Variants in TMEM135 observed in about 807,000 individuals in gnomAD.
TMEM135 encodes transmembrane protein 135, also known as peroxisomal membrane protein 52.
A neutral mutation model predicts 60.3 loss-of-function variants in TMEM135; 30 were observed. The ratio of observed to expected loss-of-function variants is 0.50; its 90% confidence interval spans 0.37 to 0.68. TMEM135 has a LOEUF of 0.68. Among genes scored for constraint, TMEM135 ranks in the 30% least tolerant of loss-of-function variants. TMEM135 has a pLI of 0.00. For synonymous variants in TMEM135, 190 were observed against 186.7 expected (o/e 1.02, Z -0.14); for missense variants, 468 against 548.8 (o/e 0.85, Z 1.47).
At chr11:87,176,767 T>C (rs1939379800) in intron 5 of TMEM135, among the ~76,000 whole-genome samples, 1 of 152,176 alleles carries the variant, frequency 6.6e-6, no homozygotes, top group Non-Finnish European at 1.5e-5. Flanking sequence ...CAGGTTATAG[T>C]GGGTTAGGGA....
chr11:87,087,078 C>T lies in TMEM135; in HGVS notation c.363-4284C>T, dbSNP rs184962907. Among the ~76,000 whole-genome samples the T allele has an allele frequency of 1.5e-3, 225 of 152,142 alleles. 2 individuals carry two copies. Among genetic ancestry groups the T allele is most frequent in the African/African-American group, 5.0e-3 (207 of 41,512 alleles). On this transcript the variant is annotated intron_variant, in intron 3 of 14. Coordinates refer to ENST00000305494, the MANE Select transcript of TMEM135 (RefSeq NM_022918.4). ...AAAAGGGAGCCATCATTTGAGGCTC[C>T]GGTTGCATGACTGTTTGGAGTTTGA...
At chr11:87,213,496 G>GCAT (rs1385619873) in intron 5 of TMEM135, among the ~76,000 whole-genome samples, 1 of 152,202 alleles carries the variant, frequency 6.6e-6, no homozygotes, top group African/African-American at 2.4e-5. Context: ...AGTTAGAGCA[G>GCAT]CATCTACTTA....
At position 87,325,047 on chromosome 11, in the gene TMEM135, C is replaced by T. The variant is rs1259768040; in HGVS notation, c.*3714C>T. The T allele has an allele frequency of 1.1e-5, 5 of 453,884 alleles. No individual in the cohort carries two copies. The highest frequency in any genetic ancestry group is 6.8e-4 in the Middle Eastern group (1 of 1,464). The allele number at this position is 453,884 out of a possible 1,614,324, so 28.1% of individuals were successfully genotyped here. A position where few individuals can be genotyped will look rare whatever the true frequency, so the allele number is the denominator to read the frequency against. On this transcript the variant is annotated 3_prime_UTR_variant, in exon 15 of 15. Transcript: ENST00000305494. Reference sequence around the variant, plus strand: ...TGCCTCCAGCCCTTTACTATTGGTGCTGAAGCCACCATTGGTGCCAGCTCT... The same window carrying T: ...TGCCTCCAGCCCTTTACTATTGGTGTTGAAGCCACCATTGGTGCCAGCTCT...
At chr11:87,294,634 C>T (rs754151058) in intron 6 of TMEM135, among the ~76,000 whole-genome samples, 17 of 152,226 alleles carry the variant, frequency 1.1e-4, no homozygotes, top group Non-Finnish European at 1.5e-4. Flanking sequence ...CCGCCGGCCT[C>T]GGCCTCCCAA....
chr11:87,302,252 T>C, intron 7 of TMEM135, 44 bp from the exon 8 acceptor site: 1 of 1,594,010 alleles, frequency 6.3e-7, no homozygotes, highest in African/African-American at 1.3e-5. Context: ...CCTCATTGAC[T>C]ATTTTTAAGT....
At chr11:87,268,556 C>T (rs540990505) in intron 6 of TMEM135, among the ~76,000 whole-genome samples, 1 of 152,112 alleles carries the variant, frequency 6.6e-6, no homozygotes, top group Non-Finnish European at 1.5e-5. Flanking sequence ...AATGAGATAA[C>T]CTTCTTAATC....
intron 6 of TMEM135, among the ~76,000 whole-genome samples, chr11:87,281,156 G>A (rs982859531): frequency 6.6e-6 from 1 of 152,108 alleles, no homozygotes; most frequent in Non-Finnish European, 1.5e-5. Flanking sequence ...AGAGGTACTT[G>A]ATGTAAAATA....
At chr11:87,072,152 C>T (rs936409340) in intron 3 of TMEM135, among the ~76,000 whole-genome samples, 2 of 152,190 alleles carry the variant, frequency 1.3e-5, no homozygotes, top group Non-Finnish European at 2.9e-5. Context: ...CGTGATCATG[C>T]CACCACACTT....
chr11:87,309,662 G>A lies in TMEM135; in HGVS notation c.926G>A (p.Ser309Asn). 1.2e-6 allele frequency: 2 copies of A among 1,613,332 alleles called. No individual in the cohort carries two copies. The highest frequency in any genetic ancestry group is 1.7e-6 in the Non-Finnish European group (2 of 1,179,596). The change falls in exon 10 of 15, where the codon AGT becomes AAT. Residue 309 changes from serine to asparagine, a missense_variant. Physicochemically the swap from Ser to Asn is conservative, Grantham distance 46. Coordinates refer to ENST00000305494, the MANE Select transcript of TMEM135 (RefSeq NM_022918.4). ...QLGAFLGSFV[S>N]IYKGTSCFLR... ...GGAGCTTTTCTTGGCTCTTTTGTTA[G>A]TATATACAAGGTAAGGCTTTTAGAA... is the stretch of plus-strand genomic sequence containing the variant.
At chr11:87,259,461 T>C (rs1941599887) in intron 6 of TMEM135, among the ~76,000 whole-genome samples, 1 of 152,230 alleles carries the variant, frequency 6.6e-6, no homozygotes, top group South Asian at 2.1e-4. Context: ...GTTACATTTT[T>C]TTCCTCTTCC....
At chr11:87,148,541 G>A (rs188271451) in intron 4 of TMEM135, among the ~76,000 whole-genome samples, 150 of 152,224 alleles carry the variant, frequency 9.9e-4, no homozygotes, top group Admixed American at 2.7e-3. Flanking sequence ...AATGTACTTT[G>A]ATCTGGTTTT....
intron 10 of TMEM135, among the ~76,000 whole-genome samples, chr11:87,311,739 A>G (rs1942643982): frequency 6.6e-6 from 1 of 152,072 alleles, no homozygotes; most frequent in Non-Finnish European, 1.5e-5. Flanking sequence ...CAAATTGCCC[A>G]TGCTATAGTA....
chr11:87,202,876 CA>C (rs1004005010), intron 5 of TMEM135, among the ~76,000 whole-genome samples: 16 of 150,600 alleles, frequency 1.1e-4, no homozygotes, highest in African/African-American at 2.9e-4. Flanking sequence ...ACTAAAAATA[CA>C]AAAAAATTAG....
chr11:87,053,292 AATAT>A (rs56019077), intron 1 of TMEM135, among the ~76,000 whole-genome samples: 5 of 149,214 alleles, frequency 3.4e-5, no homozygotes, highest in South Asian at 2.1e-4. Flanking sequence ...GTGCATAAGC[AATAT>A]ATATATATAT....
chr11:87,134,959 A>C (rs1938049498), intron 4 of TMEM135, among the ~76,000 whole-genome samples: 1 of 152,186 alleles, frequency 6.6e-6, no homozygotes, highest in Admixed American at 6.5e-5. Flanking sequence ...TCATAGCTTT[A>C]ATTTGAATTT....
intron 7 of TMEM135, among the ~76,000 whole-genome samples, chr11:87,298,731 G>C (rs12273325): frequency 0.63 from 91,583 of 145,230 alleles, 29,096 homozygotes; most frequent in Non-Finnish European, 0.67. Flanking sequence ...AGGTTGCAAT[G>C]AGCTTTGATC....
chr11:87,282,243 C>G (rs1013672117), intron 6 of TMEM135, among the ~76,000 whole-genome samples: 2 of 149,724 alleles, frequency 1.3e-5, no homozygotes, highest in African/African-American at 2.4e-5. Flanking sequence ...AAGTGAGCAA[C>G]TGGACATTGG....
rs375698738 is a variant in TMEM135 at position 87,318,186 on chromosome 11, A to G, written c.1127A>G (p.His376Arg). 28 of 1,612,802 alleles carry G rather than the reference A, an allele frequency of 1.7e-5. No homozygotes were observed. Among genetic ancestry groups the G allele is most frequent in the Non-Finnish European group, 2.4e-5 (28 of 1,179,760 alleles). ...IEAGKVPYFP[H>R]ADTIIYSIST... ...GCAGGGAAGGTTCCCTATTTTCCTCATGCAGATACTATCATCTATTCCATC... is the reference window on the plus strand; with the variant it reads ...GCAGGGAAGGTTCCCTATTTTCCTCGTGCAGATACTATCATCTATTCCATC... Residue 376 changes from histidine (H) to arginine (R), a missense_variant, in exon 13 of 15, where the codon CAT (histidine) becomes CGT (arginine). Coordinates refer to ENST00000305494, the MANE Select transcript of TMEM135 (RefSeq NM_022918.4).
At chr11:87,044,217 G>C (rs1441977420) in intron 1 of TMEM135, among the ~76,000 whole-genome samples, 3 of 151,970 alleles carry the variant, frequency 2.0e-5, no homozygotes, top group Non-Finnish European at 4.4e-5. Context: ...AAATTTCTAG[G>C]AATAAAAAAC....
Sources: gnomAD v4.1 joint callset for allele counts (sites outside exome capture counted in the v4.1 genomes callset) on GRCh38, gnomAD v4.1.1 for gene constraint, MANE v1.5 for transcripts, NCBI Gene and HGNC (gene_info 2026-07-23, HGNC 2026-07-21) for gene names.